The following SMARCC1 variants were observed in gnomAD, a reference collection of about 807,000 sequenced individuals.
SMARCC1 encodes SWI/SNF complex subunit SMARCC1.
A neutral mutation model predicts 147.4 loss-of-function variants in SMARCC1; 43 were observed. The observed-to-expected ratio is 0.29, with a 90% confidence interval of 0.23 to 0.38. SMARCC1 has a LOEUF of 0.38. SMARCC1 is among the 10% of genes least tolerant of loss of function. The probability of loss-of-function intolerance (pLI) is 1.00; values close to 1 mark genes in which losing one functional copy is unlikely to be tolerated. For synonymous variants in SMARCC1, 495 were observed against 484.4 expected, an observed-to-expected ratio of 1.02 and a Z score of -0.29; for missense variants, 1,119 against 1,381.1, an observed-to-expected ratio of 0.81 and a Z score of 3.01.
At chr3:47,685,586 G>A (rs992139454) in intron 14 of SMARCC1, among the ~76,000 whole-genome samples, 11 of 150,886 alleles carry the variant, frequency 7.3e-5, no homozygotes, top group African/African-American at 2.4e-4. Flanking sequence ...CGAGCCAGGC[G>A]CGGTGGCTCA....
intron 6 of SMARCC1, among the ~76,000 whole-genome samples, chr3:47,728,701 T>C (rs1408764594): frequency 1.3e-5 from 2 of 151,992 alleles, no homozygotes; most frequent in Non-Finnish European, 1.5e-5. Context: ...GGTGAAGAGA[T>C]TGAAACCACC....
intron 26 of SMARCC1, among the ~76,000 whole-genome samples, chr3:47,593,390 T>C (rs927384171): frequency 1.3e-5 from 2 of 151,740 alleles, no homozygotes; most frequent in Non-Finnish European, 2.9e-5. Flanking sequence ...CAGGCTGGTA[T>C]TGAACTCCTG....
chr3:47,704,034 G>A (rs532934805), intron 10 of SMARCC1, among the ~76,000 whole-genome samples: 4 of 152,120 alleles, frequency 2.6e-5, no homozygotes, highest in African/African-American at 7.2e-5. Flanking sequence ...TCCTGACCTC[G>A]TGATCCGCCC....
intron 16 of SMARCC1, 120 bp downstream of exon 16, chr3:47,678,078 C>A: frequency 2.1e-6 from 1 of 473,288 alleles, no homozygotes; most frequent in Non-Finnish European, 3.9e-6. Flanking sequence ...CCCTAAATGG[C>A]ATAACTAAAA....
At chr3:47,609,988 T>A in intron 26 of SMARCC1, 78 bp downstream of exon 26, 2 of 1,473,400 alleles carry the variant, frequency 1.4e-6, no homozygotes, top group Non-Finnish European at 1.9e-6. Flanking sequence ...AAACACCAAC[T>A]GTGTGGTTGG....
At chr3:47,693,612 T>C (rs1040063036) in intron 11 of SMARCC1, among the ~76,000 whole-genome samples, 2 of 152,354 alleles carry the variant, frequency 1.3e-5, no homozygotes, top group African/African-American at 2.4e-5. Context: ...TTGTTTTGAT[T>C]CTCACTTCTA....
intron 19 of SMARCC1, among the ~76,000 whole-genome samples, chr3:47,668,677 A>G (rs1023635249): frequency 2.0e-5 from 3 of 152,130 alleles, no homozygotes; most frequent in Non-Finnish European, 4.4e-5. Context: ...GTTTAATAAA[A>G]TAGTATGCCA....
chr3:47,671,183 A>AC (rs2033493401), intron 18 of SMARCC1, among the ~76,000 whole-genome samples: 3 of 144,006 alleles, frequency 2.1e-5, no homozygotes, highest in African/African-American at 5.2e-5. Flanking sequence ...CAAAAAAAAA[A>AC]AAAAAAAAAA....
intron 7 of SMARCC1, among the ~76,000 whole-genome samples, chr3:47,716,407 C>A (rs1179921525): frequency 2.5e-5 from 3 of 119,930 alleles, no homozygotes; most frequent in African/African-American, 9.9e-5. Flanking sequence ...GAGAGTGAGA[C>A]TCCATCTCAA....
At chr3:47,684,067 C>T (rs998947369) in intron 14 of SMARCC1, among the ~76,000 whole-genome samples, 22 of 151,914 alleles carry the variant, frequency 1.4e-4, no homozygotes, top group Admixed American at 2.6e-4. Flanking sequence ...GGTGAAACCC[C>T]GTCTCTACTA....
intron 25 of SMARCC1, among the ~76,000 whole-genome samples, chr3:47,615,893 A>T (rs1375520792): frequency 6.6e-6 from 1 of 152,178 alleles, no homozygotes; most frequent in East Asian, 1.9e-4. Context: ...AATGTTGGCC[A>T]GGCTGGTCTC....
chr3:47,651,181 G>T (rs2033185231), intron 21 of SMARCC1, among the ~76,000 whole-genome samples: 1 of 152,092 alleles, frequency 6.6e-6, no homozygotes, highest in African/African-American at 2.4e-5. Context: ...ATGCACCCCT[G>T]TGGTCCCAGC....
intron 18 of SMARCC1, among the ~76,000 whole-genome samples, chr3:47,674,628 A>G (rs895973470): frequency 7.9e-5 from 12 of 152,142 alleles, no homozygotes; most frequent in African/African-American, 2.9e-4. Context: ...CTCTCTATAT[A>G]AATTTGGATC....
At chr3:47,659,961 G>A (rs1476994989) in intron 21 of SMARCC1, among the ~76,000 whole-genome samples, 1 of 152,092 alleles carries the variant, frequency 6.6e-6, no homozygotes, top group African/African-American at 2.4e-5. Flanking sequence ...TACATTACGG[G>A]TAAGAACATA....
At chr3:47,779,500 A>T (rs879932918) in intron 1 of SMARCC1, among the ~76,000 whole-genome samples, 6 of 152,208 alleles carry the variant, frequency 3.9e-5, no homozygotes, top group Non-Finnish European at 7.3e-5. Context: ...TCTCAATCTC[A>T]GTAGACCCTA....
At chr3:47,652,623 C>CA (rs11377736) in intron 21 of SMARCC1, among the ~76,000 whole-genome samples, 115,922 of 135,016 alleles carry the variant, frequency 0.86, 50,481 homozygotes, top group East Asian at 0.97. Flanking sequence ...CTTGCTTTTG[C>CA]AAAAAAAAAA....
At chr3:47,756,533 CAAAAAA>C (rs11353915) in intron 2 of SMARCC1, among the ~76,000 whole-genome samples, 2 of 83,104 alleles carry the variant, frequency 2.4e-5, no homozygotes, top group African/African-American at 4.7e-5. Flanking sequence ...AACTCCGTCT[CAAAAAA>C]AAAAAAAAAA....
At chr3:47,636,984 G>A (rs948498095) in intron 22 of SMARCC1, among the ~76,000 whole-genome samples, 42 of 152,144 alleles carry the variant, frequency 2.8e-4, no homozygotes, top group African/African-American at 9.9e-4. Context: ...AACCATGAGA[G>A]AACATCAGTG....
At chr3:47,687,231 C>T (rs1202207987) in intron 13 of SMARCC1, among the ~76,000 whole-genome samples, 1 of 152,138 alleles carries the variant, frequency 6.6e-6, no homozygotes, top group Non-Finnish European at 1.5e-5. Flanking sequence ...GTGATACTAA[C>T]GATGACAAGG....
Sources: allele counts gnomAD v4.1 joint callset (sites outside exome capture counted in the v4.1 genomes callset), GRCh38; gene constraint gnomAD v4.1.1; transcripts MANE v1.5; gene names NCBI Gene and HGNC (gene_info 2026-07-23, HGNC 2026-07-21).